Variants in INTS4 observed in about 807,000 individuals in gnomAD.
The protein encoded by INTS4 is integrator complex subunit 4, also known as MSTP093.
Under a neutral mutation model 119.5 loss-of-function variants are expected in INTS4, and 70 were observed. The ratio of observed to expected loss-of-function variants is 0.59; its 90% CI spans 0.48 to 0.71. The LOEUF is 0.71. Ranked by LOEUF, INTS4 falls within the 30% of genes least tolerant of loss-of-function variation. The probability of loss-of-function intolerance (pLI) is 0.00; values close to 1 mark genes in which losing one functional copy is unlikely to be tolerated. For synonymous variants in INTS4, 316 were observed against 419.6 expected (o/e 0.75, Z 3.02); for missense variants, 867 against 1,173.2 (o/e 0.74, Z 3.81).
intron 2 of INTS4, among the ~76,000 whole-genome samples, chr11:77,983,861 C>T (rs1856343818): frequency 6.6e-6 from 1 of 152,098 alleles, no homozygotes; most frequent in Admixed American, 6.6e-5. Context: ...TACATATGAT[C>T]CAGCAATTCC....
Position 77,894,285 on chromosome 11 carries a change from CT to C in INTS4, c.2288+4del. ...AATAAGCCAGAAGAGTTATAAAATA[CT>C]TACCTCTGAAAAAAGTCTACTTCCT... On this transcript the variant is annotated splice_donor_region_variant and intron_variant, in intron 19 of 22. Coordinates refer to ENST00000534064, the MANE Select transcript of INTS4 (RefSeq NM_033547.4). 6.8e-7 allele frequency: 1 copy of C among 1,478,754 alleles called. No individual in the cohort carries two copies. The highest frequency in any genetic ancestry group is 9.4e-7 in the Non-Finnish European group (1 of 1,063,554). The allele number at this position is 1,478,754 out of a possible 1,614,324, so 91.6% of individuals were successfully genotyped here. A position where few individuals can be genotyped will look rare whatever the true frequency, so the allele number is the denominator to read the frequency against.
At chr11:77,900,111 T>TA (rs557551958) in intron 18 of INTS4, among the ~76,000 whole-genome samples, 86 of 152,024 alleles carry the variant, frequency 5.7e-4, no homozygotes, top group African/African-American at 1.0e-3. Context: ...TTTTTTTTTT[T>TA]TATATAAAGA....
intron 1 of INTS4, 124 bp downstream of exon 1, chr11:77,994,459 TATCAGAG>T: frequency 1.4e-6 from 1 of 715,560 alleles, no homozygotes; most frequent in Non-Finnish European, 2.5e-6. Context: ...TAACTTGCAA[TATCAGAG>T]ATTATCAACA....
chr11:77,907,271 G>A (rs541401360), intron 16 of INTS4, among the ~76,000 whole-genome samples: 1 of 152,062 alleles, frequency 6.6e-6, no homozygotes, highest in Non-Finnish European at 1.5e-5. Context: ...ATGAGGTGTC[G>A]CTATGTTGCC....
At chr11:77,965,264 C>A (rs74984378) in intron 4 of INTS4, among the ~76,000 whole-genome samples, 1,652 of 152,228 alleles carry the variant, frequency 0.011, 11 homozygotes, top group Non-Finnish European at 0.016. Flanking sequence ...TTTGCCCAGG[C>A]TGGTCTTGAA....
At chr11:77,926,477 T>C (rs1953502947) in intron 11 of INTS4, among the ~76,000 whole-genome samples, 1 of 152,146 alleles carries the variant, frequency 6.6e-6, no homozygotes, top group African/African-American at 2.4e-5. Context: ...GAGCACCTAA[T>C]TGTGCCAGAC....
rs115520260 is a variant in INTS4, at chr11:77,977,692, T to C, written c.471+1304A>G. 5.0e-3 allele frequency among the ~76,000 whole-genome samples: 746 copies of C among 150,448 alleles called. 10 individuals carry two copies. The highest frequency in any genetic ancestry group is 0.017 in the African/African-American group (683 of 41,242). ...TTATAATAAAAAATATATTTAAGTA[T>C]ATAATATAAAATCTTATAGTTAAAA... On this transcript the variant is annotated intron_variant, in intron 4 of 22. Coordinates refer to ENST00000534064, the MANE Select transcript of INTS4 (RefSeq NM_033547.4).
chr11:77,928,392 T>G lies in INTS4; in HGVS notation c.1321A>C (p.Asn441His), dbSNP rs143540393. 616 of 1,612,434 alleles carry G rather than the reference T, an allele frequency of 3.8e-4. No homozygotes were observed. Among genetic ancestry groups the G allele is most frequent in the Non-Finnish European group, 4.8e-4 (562 of 1,179,044 alleles). ...SIHTMRKISN[N>H]ITLREDQLDT... ...AGCTGATCTTCTCGGAGGGTGATGT[T>G]GTTAGAGATTTTTCTCATGGTATGT... The change falls in exon 11 of 23, where the codon AAC becomes CAC. Residue 441 changes from asparagine (N) to histidine (H), a missense_variant. Around this residue, in one of 5 missense-constraint regions of INTS4, gnomAD observed 208 missense variants for 306.6 expected, o/e 0.68. Coordinates refer to ENST00000534064, the MANE Select transcript of INTS4 (RefSeq NM_033547.4).
At chr11:77,959,091 T>G (rs1471047273) in intron 6 of INTS4, among the ~76,000 whole-genome samples, 2 of 152,112 alleles carry the variant, frequency 1.3e-5, no homozygotes, top group East Asian at 1.9e-4. Flanking sequence ...CTAGAACAGA[T>G]CAAACCCAGC....
intron 10 of INTS4, among the ~76,000 whole-genome samples, chr11:77,932,509 G>C (rs1035900056): frequency 3.3e-5 from 5 of 152,198 alleles, no homozygotes; most frequent in African/African-American, 1.2e-4. Flanking sequence ...ACTGTTGGTG[G>C]GAGTGTAAAT....
At chr11:77,970,947 A>G (rs1290005636) in intron 4 of INTS4, among the ~76,000 whole-genome samples, 1 of 152,028 alleles carries the variant, frequency 6.6e-6, no homozygotes, top group East Asian at 2.0e-4. Context: ...AGCTGGGATT[A>G]CAGGCGCCCA....
chr11:77,932,155 C>G (rs1018035062), intron 10 of INTS4, among the ~76,000 whole-genome samples: 2 of 152,082 alleles, frequency 1.3e-5, no homozygotes, highest in African/African-American at 4.8e-5. Context: ...AACAGGCAAC[C>G]TACAGAATGG....
At chr11:77,988,076 A>T (rs1856525424) in intron 2 of INTS4, among the ~76,000 whole-genome samples, 1 of 152,258 alleles carries the variant, frequency 6.6e-6, no homozygotes, top group South Asian at 2.1e-4. Context: ...TAAAGAAAAG[A>T]ACAACAAAAA....
intron 15 of INTS4, chr11:77,917,939 G>C (rs1352448555): frequency 3.2e-6 from 2 of 625,922 alleles, no homozygotes; most frequent in East Asian, 2.8e-5. Flanking sequence ...ATGGCCATGT[G>C]ACTTAAGTTC....
intron 11 of INTS4, among the ~76,000 whole-genome samples, chr11:77,925,510 TAAAG>T (rs1472527987): frequency 2.6e-5 from 4 of 151,988 alleles, no homozygotes; most frequent in Non-Finnish European, 5.9e-5. Flanking sequence ...CAAAGCCCAA[TAAAG>T]AGAGGTATAC....
intron 8 of INTS4, among the ~76,000 whole-genome samples, chr11:77,944,555 TC>T (rs955437611): frequency 3.3e-5 from 5 of 152,250 alleles, no homozygotes; most frequent in African/African-American, 1.2e-4. Context: ...GTATTATTAT[TC>T]ACTGATTAGC....
In INTS4 at chr11:77,986,516, T is replaced by C. The variant is rs1022012146; in HGVS notation, c.246+4592A>G. Among the ~76,000 whole-genome samples, 5 of 152,298 alleles carry C rather than the reference T, an allele frequency of 3.3e-5. No homozygotes were observed. In the East Asian group the frequency reaches 9.6e-4, roughly 29 times the overall value. Reference sequence around the variant, plus strand: ...ATACCCAAAGGATTATAAATCATGCTACTATAAAGATACATGTGCACGTAT... The same window carrying C: ...ATACCCAAAGGATTATAAATCATGCCACTATAAAGATACATGTGCACGTAT... On this transcript the variant is annotated intron_variant, in intron 2 of 22. Transcript: ENST00000534064.
At chr11:77,994,484 A>T in intron 1 of INTS4, 106 bp downstream of exon 1, 1 of 868,902 alleles carries the variant, frequency 1.2e-6, no homozygotes. Flanking sequence ...ACAAGTCAGC[A>T]CTTAACACGG....
At chr11:77,986,360 G>C (rs111320303) in intron 2 of INTS4, among the ~76,000 whole-genome samples, 33,601 of 152,052 alleles carry the variant, frequency 0.22, 3,824 homozygotes, top group African/African-American at 0.27. Flanking sequence ...GAGAGGATGT[G>C]GAGAAATAGG....
Sources: allele counts gnomAD v4.1 joint callset (sites outside exome capture counted in the v4.1 genomes callset), GRCh38; gene constraint gnomAD v4.1.1; regional missense constraint gnomAD v4.1.1; transcripts MANE v1.5; gene names NCBI Gene and HGNC (gene_info 2026-07-23, HGNC 2026-07-21).